The following EFL1 variants were observed in gnomAD, a reference collection of about 807,000 sequenced individuals.
EFL1 encodes elongation factor like GTPase 1.
In EFL1, 76 loss-of-function variants were observed where a neutral mutation model predicts 126.7. That is an observed-to-expected ratio of 0.60 (90% CI 0.50 to 0.73). The LOEUF (loss-of-function observed/expected upper bound fraction) is 0.73, where lower values mean the gene tolerates loss of function less well. EFL1 is among the 30% of genes least tolerant of loss of function. The pLI, the probability that EFL1 is intolerant of heterozygous loss-of-function variation, is 0.00. For synonymous variants in EFL1, 410 were observed against 448.4 expected (o/e 0.91, Z 1.08); for missense variants, 1,128 against 1,343.2 (o/e 0.84, Z 2.50).
At chr15:82,225,302 C>A (rs778991239) in intron 11 of EFL1, 38 bp from the exon 12 acceptor site, 57 of 1,365,680 alleles carry the variant, frequency 4.2e-5, no homozygotes, top group Middle Eastern at 3.7e-4. Context: ...CTATTTTTCC[C>A]ATTATTAAAA....
intron 3 of EFL1, among the ~76,000 whole-genome samples, chr15:82,254,419 A>G (rs1042993236): frequency 6.6e-6 from 1 of 152,186 alleles, no homozygotes; most frequent in Non-Finnish European, 1.5e-5. Flanking sequence ...ATACATAAAT[A>G]ACAACACAAT....
chr15:82,201,698 C>CAAAA (rs57664245), intron 15 of EFL1, among the ~76,000 whole-genome samples: 4 of 98,680 alleles, frequency 4.1e-5, no homozygotes, highest in Admixed American at 1.1e-4. Context: ...TAACTTCTTG[C>CAAAA]AAAAAAAAAA....
intron 6 of EFL1, among the ~76,000 whole-genome samples, chr15:82,239,200 G>C (rs1209644619): frequency 1.3e-5 from 2 of 152,084 alleles, no homozygotes; most frequent in Non-Finnish European, 2.9e-5. Context: ...GCAGTGGCGT[G>C]ATCTTGGCTC....
intron 15 of EFL1, among the ~76,000 whole-genome samples, chr15:82,186,956 G>A (rs919413641): frequency 6.6e-6 from 1 of 152,146 alleles, no homozygotes; most frequent in Non-Finnish European, 1.5e-5. Flanking sequence ...ACCTCAGCCT[G>A]TAGTGATTTT....
chr15:82,261,490 A>G (rs1249943728), intron 2 of EFL1, among the ~76,000 whole-genome samples, 198 bp downstream of exon 2: 1 of 152,206 alleles, frequency 6.6e-6, no homozygotes, highest in Non-Finnish European at 1.5e-5. Flanking sequence ...GAAGAATGCT[A>G]CTCACTAGGT....
chr15:82,259,325 G>T (rs538407560), intron 2 of EFL1, among the ~76,000 whole-genome samples, 170 bp from the exon 3 acceptor site: 79 of 152,280 alleles, frequency 5.2e-4, no homozygotes, highest in Non-Finnish European at 9.9e-4. Context: ...AATATCATCT[G>T]GAAGGACACA....
intron 7 of EFL1, among the ~76,000 whole-genome samples, chr15:82,237,681 T>A (rs2074887645): frequency 1.3e-5 from 2 of 151,862 alleles, no homozygotes; most frequent in South Asian, 4.2e-4. Context: ...GAAATGAAAC[T>A]TATGTTCACA....
At chr15:82,166,661 A>T (rs1489196303) in intron 15 of EFL1, among the ~76,000 whole-genome samples, 2 of 152,208 alleles carry the variant, frequency 1.3e-5, no homozygotes, top group African/African-American at 4.8e-5. Context: ...TTTGTTTTTA[A>T]AAATAACATC....
At chr15:82,179,354 G>A (rs978091760) in intron 15 of EFL1, among the ~76,000 whole-genome samples, 4 of 151,986 alleles carry the variant, frequency 2.6e-5, no homozygotes, top group Admixed American at 2.6e-4. Context: ...TTTTTTTAAA[G>A]CTTTGCAAGC....
At chr15:82,246,801 T>C (rs1293816474) in intron 4 of EFL1, among the ~76,000 whole-genome samples, 1 of 152,036 alleles carries the variant, frequency 6.6e-6, no homozygotes, top group East Asian at 1.9e-4. Flanking sequence ...TAAGAATGTC[T>C]GCTGAGATTG....
intron 15 of EFL1, among the ~76,000 whole-genome samples, chr15:82,193,855 C>T (rs1393526655): frequency 7.2e-5 from 11 of 152,212 alleles, no homozygotes; most frequent in Admixed American, 6.5e-5. Context: ...CTTTACATGC[C>T]GTGCAAACTA....
At chr15:82,196,317 G>A (rs1359679953) in intron 15 of EFL1, among the ~76,000 whole-genome samples, 2 of 152,194 alleles carry the variant, frequency 1.3e-5, no homozygotes, top group Admixed American at 6.5e-5. Context: ...GCCCAAGCTT[G>A]GAGGAGACCC....
At chr15:82,152,536 A>T in intron 17 of EFL1, 113 bp from the exon 18 acceptor site, 1 of 940,816 alleles carries the variant, frequency 1.1e-6, no homozygotes, top group Non-Finnish European at 1.5e-6. Context: ...GAACATAAAA[A>T]TTATCTTACT....
intron 3 of EFL1, among the ~76,000 whole-genome samples, chr15:82,253,648 C>T (rs2075043326): frequency 6.6e-6 from 1 of 152,118 alleles, no homozygotes; most frequent in African/African-American, 2.4e-5. Flanking sequence ...TCTCTAGAAG[C>T]AAGAGAAGTC....
chr15:82,179,623 G>C (rs1177593092), intron 15 of EFL1, among the ~76,000 whole-genome samples: 2 of 151,976 alleles, frequency 1.3e-5, no homozygotes, highest in Admixed American at 6.5e-5. Flanking sequence ...TATTTTCTAA[G>C]GCTAAGTCAT....
intron 3 of EFL1, among the ~76,000 whole-genome samples, chr15:82,253,677 TAATA>T (rs746662362): frequency 2.6e-5 from 4 of 152,198 alleles, no homozygotes; most frequent in Non-Finnish European, 5.9e-5. Flanking sequence ...TTTCCCAAAT[TAATA>T]GATTTTGAAT....
At chr15:82,237,674 A>T (rs567216155) in intron 7 of EFL1, among the ~76,000 whole-genome samples, 1 of 152,124 alleles carries the variant, frequency 6.6e-6, no homozygotes, top group African/African-American at 2.4e-5. Context: ...TTCCAGAGAA[A>T]TGAAACTTAT....
chr15:82,176,014 AT>A (rs1740174987), intron 15 of EFL1, among the ~76,000 whole-genome samples: 1 of 152,172 alleles, frequency 6.6e-6, no homozygotes, highest in Non-Finnish European at 1.5e-5. Flanking sequence ...AGCTACTATA[AT>A]TTTTGAATTA....
At chr15:82,246,862 G>T (rs2141333183) in intron 4 of EFL1, among the ~76,000 whole-genome samples, 1 of 152,236 alleles carries the variant, frequency 6.6e-6, no homozygotes, top group East Asian at 1.9e-4. Flanking sequence ...GTTTAAAATA[G>T]GTATTGGGAA....
Sources: allele counts gnomAD v4.1 joint callset (sites outside exome capture counted in the v4.1 genomes callset), GRCh38; gene constraint gnomAD v4.1.1; transcripts MANE v1.5; gene names NCBI Gene and HGNC (gene_info 2026-07-23, HGNC 2026-07-21).